LPCAT3: variants seen among roughly 807,000 people sequenced by gnomAD.
LPCAT3 encodes the protein lysophosphatidylcholine acyltransferase 3, also known as lysophospholipid acyltransferase 5.
In LPCAT3, 21 loss-of-function variants were observed where a neutral mutation model predicts 63.4. That is an observed-to-expected ratio of 0.33 (90% CI 0.23 to 0.48). The LOEUF (loss-of-function observed/expected upper bound fraction) is 0.48, where lower values mean the gene tolerates loss of function less well. Among genes scored for constraint, LPCAT3 ranks in the 20% least tolerant of loss-of-function variants. The pLI is 0.99. For synonymous variants in LPCAT3, 242 were observed against 227.5 expected, an observed-to-expected ratio of 1.06 and a Z score of -0.58; for missense variants, 451 against 590.6, an observed-to-expected ratio of 0.76 and a Z score of 2.45.
At chr12:6,995,502 TC>T (rs1946628950) in intron 1 of LPCAT3, among the ~76,000 whole-genome samples, 2 of 151,944 alleles carry the variant, frequency 1.3e-5, no homozygotes, top group Admixed American at 6.6e-5. Context: ...TTTTCCTTCT[TC>T]ATATTGGTTC....
chr12:6,992,334 A>AC (rs1946597364), intron 1 of LPCAT3, among the ~76,000 whole-genome samples: 1 of 152,130 alleles, frequency 6.6e-6, no homozygotes, highest in South Asian at 2.1e-4. Flanking sequence ...CAAAAAAAAA[A>AC]AACAAAAAAA....
At chr12:6,998,514 A>T (rs1437704287) in intron 1 of LPCAT3, among the ~76,000 whole-genome samples, 2 of 152,246 alleles carry the variant, frequency 1.3e-5, no homozygotes, top group Non-Finnish European at 2.9e-5. Context: ...AGGAAGACAA[A>T]GGAAAATAGG....
chr12:7,000,853 C>A (rs74776387), intron 1 of LPCAT3, among the ~76,000 whole-genome samples: 13 of 151,632 alleles, frequency 8.6e-5, no homozygotes, highest in Non-Finnish European at 1.8e-4. Context: ...ACTACAGGTG[C>A]CCGCCACCAC....
chr12:7,006,547 T>G (rs1946726274), intron 1 of LPCAT3, among the ~76,000 whole-genome samples: 1 of 152,228 alleles, frequency 6.6e-6, no homozygotes, highest in South Asian at 2.1e-4. Flanking sequence ...AATAAATGTA[T>G]GCTATCTAGG....
chr12:6,997,379 A>ATGTGTGTGTGTGTGTGTGTGTGTGTG, intron 1 of LPCAT3: 1 of 114,046 alleles, frequency 8.8e-6, no homozygotes, highest in Non-Finnish European at 1.8e-5. Context: ...ACAGCAAATT[A>ATGTGTGTGTGTGTGTGTGTGTGTGTG]TGTGTGTGTG....
Position 6,982,731 on chromosome 12 carries a change from A to G in LPCAT3, c.311T>C (p.Leu104Pro). The part of the protein sequence containing the change: ...LLCIVLQFLI[L>P]RLMGRTITAV... ...AGTGATGGTGCGGCCCATTAGTCGA[A>G]GGATGAGGAACTGAAGCACAATACA... Residue 104 changes from leucine to proline, a missense_variant, in exon 3 of 13, where the codon CTT becomes CCT. By Grantham distance (98) the Leu-to-Pro change is moderately conservative. Coordinates refer to ENST00000261407, the MANE Select transcript of LPCAT3 (RefSeq NM_005768.6). 2.5e-6 allele frequency: 4 copies of G among 1,614,128 alleles called. No individual in the cohort carries two copies. The highest frequency in any genetic ancestry group is 3.4e-6 in the Non-Finnish European group (4 of 1,179,976).
chr12:6,978,708 A>G lies in LPCAT3; in HGVS notation c.787-19T>C. 1 of 1,613,810 alleles carries G rather than the reference A, an allele frequency of 6.2e-7. No homozygotes were observed. The highest frequency in any genetic ancestry group is 8.5e-7 in the Non-Finnish European group (1 of 1,179,870). ...GGTGGTTCTTGAGGGAAGAAAGCAC[A>G]GTGCATTAGGGATATCACATGACTA... On this transcript the variant is annotated intron_variant, in intron 7 of 12. Transcript: ENST00000261407.
chr12:6,981,512 A>G (rs782236174), intron 5 of LPCAT3, 83 bp downstream of exon 5: 1 of 1,373,700 alleles, frequency 7.3e-7, no homozygotes, highest in South Asian at 1.2e-5. Flanking sequence ...CCGCTCTGGA[A>G]TTTGGGTTCA....
chr12:6,978,259 G>T, intron 9 of LPCAT3, 82 bp downstream of exon 9: 1 of 1,487,680 alleles, frequency 6.7e-7, no homozygotes, highest in Non-Finnish European at 9.1e-7. Flanking sequence ...GCATAGGGGT[G>T]ACATGGTACA....
intron 1 of LPCAT3, chr12:7,001,481 GTGTT>G (rs1555156495): frequency 2.2e-6 from 1 of 456,070 alleles, no homozygotes; most frequent in South Asian, 1.5e-5. Flanking sequence ...TTCATCCAAG[GTGTT>G]CCTAATAATA....
intron 1 of LPCAT3, among the ~76,000 whole-genome samples, chr12:6,996,309 A>G (rs150397240): frequency 1.0e-3 from 154 of 152,328 alleles, no homozygotes; most frequent in African/African-American, 3.5e-3. Flanking sequence ...AAATGTCACC[A>G]TAAGTATCAG....
intron 1 of LPCAT3, among the ~76,000 whole-genome samples, chr12:6,989,726 A>C (rs1946569807): frequency 6.6e-6 from 1 of 152,138 alleles, no homozygotes; most frequent in Non-Finnish European, 1.5e-5. Flanking sequence ...CTCAGTTCCA[A>C]GTGCTGTTTG....
intron 1 of LPCAT3, among the ~76,000 whole-genome samples, chr12:6,990,996 A>G (rs1257524124): frequency 5.9e-5 from 9 of 151,958 alleles, no homozygotes; most frequent in African/African-American, 2.2e-4. Context: ...TATTAACAGT[A>G]AAACTACTAC....
At chr12:7,009,838 T>C (rs782266532) in intron 1 of LPCAT3, among the ~76,000 whole-genome samples, 77 of 152,380 alleles carry the variant, frequency 5.1e-4, no homozygotes, top group African/African-American at 1.8e-3. Flanking sequence ...CTTTGATGAC[T>C]GTATTACTTT....
At chr12:6,978,242 G>T in intron 9 of LPCAT3, 99 bp downstream of exon 9, 1 of 1,404,688 alleles carries the variant, frequency 7.1e-7, no homozygotes, top group South Asian at 1.4e-5. Flanking sequence ...GCCCAGATGG[G>T]AAAGACGCAT....
Position 7,018,314 on chromosome 12 carries a change from C to G in LPCAT3, c.111G>C (p.Ala37=). The change falls in exon 1 of 13, where the codon GCG becomes GCC. Residue 37 remains alanine (A), a synonymous_variant. Coordinates refer to ENST00000261407, the MANE Select transcript of LPCAT3 (RefSeq NM_005768.6). This position sits in a 1 kb window ranked among gnomAD's most constrained non-coding sequence, Gnocchi z 4.9. ...SLNKLATSLG[A]SEQALRLIIS... is the part of the protein sequence containing the mutation. Reference sequence around the variant, plus strand: ...TGATCAGCCGCAGCGCCTGTTCTGACGCGCCCAGGGACGTCGCCAACTTGT... The same window carrying G: ...TGATCAGCCGCAGCGCCTGTTCTGAGGCGCCCAGGGACGTCGCCAACTTGT... The G allele has an allele frequency of 1.2e-6, 2 of 1,608,826 alleles. No homozygotes were observed. The highest frequency in any genetic ancestry group is 1.1e-5 in the South Asian group (1 of 89,984).
In LPCAT3 at chr12:6,976,426, C is replaced by T. The variant is rs1555153197; in HGVS notation, c.*478G>A. On this transcript the variant is annotated 3_prime_UTR_variant, in exon 13 of 13. Coordinates refer to ENST00000261407, the MANE Select transcript of LPCAT3 (RefSeq NM_005768.6). ...GATGTGAGCCCCTCTGCTCCTCCCA[C>T]AAGAGTTTCCCCTTTGGGCCGGGCA... is the stretch of plus-strand genomic sequence containing the variant. 6.5e-6 allele frequency: 1 copy of T among 153,430 alleles called. No individual in the cohort carries two copies. The highest frequency in any genetic ancestry group is 6.5e-5 in the Admixed American group (1 of 15,370). The allele number at this position is 153,430 out of a possible 1,614,324, so 9.5% of individuals were successfully genotyped here.
chr12:6,995,912 G>A (rs1046639026), intron 1 of LPCAT3, among the ~76,000 whole-genome samples: 35 of 152,120 alleles, frequency 2.3e-4, no homozygotes, highest in Non-Finnish European at 5.0e-4. Context: ...TATATTCAAT[G>A]TATTATCATT....
chr12:7,006,956 T>C (rs117887111), intron 1 of LPCAT3, among the ~76,000 whole-genome samples: 118 of 152,344 alleles, frequency 7.7e-4, no homozygotes, highest in Middle Eastern at 3.4e-3. Flanking sequence ...CATATACAAA[T>C]ATATAGAGAT....
Sources: allele counts gnomAD v4.1 joint callset (sites outside exome capture counted in the v4.1 genomes callset), GRCh38; gene constraint gnomAD v4.1.1; non-coding constraint Gnocchi (gnomAD v3.1); transcripts MANE v1.5; gene names NCBI Gene and HGNC (gene_info 2026-07-23, HGNC 2026-07-21).